ATP7A: variants seen among roughly 807,000 people sequenced by gnomAD.
ATP7A encodes the protein ATPase copper transporting alpha, also known as copper-transporting ATPase 1.
In ATP7A, 7 loss-of-function variants were observed where a neutral mutation model predicts 83.5. The ratio of observed to expected loss-of-function variants is 0.08; its 90% CI spans 0.05 to 0.16. The LOEUF (loss-of-function observed/expected upper bound fraction) is 0.16. Among genes scored for constraint, ATP7A ranks in the 10% least tolerant of loss-of-function variants. The pLI is 1.00. For synonymous variants in ATP7A, 354 were observed against 395.2 expected (o/e 0.90, Z 1.24); for missense variants, 940 against 1,120.8 (o/e 0.84, Z 2.30).
intron 1 of ATP7A, chrX:77,923,382 T>C (rs922605815): frequency 3.6e-5 from 4 of 111,008 alleles, no homozygotes; most frequent in Middle Eastern, 4.6e-3. Context: ...CTTTCCACTC[T>C]TTAGGAACCT....
At chrX:77,950,963 A>C (rs1603375250) in intron 1 of ATP7A, among the ~76,000 whole-genome samples, 1 of 111,102 alleles carries the variant, frequency 9.0e-6, no homozygotes, top group East Asian at 2.8e-4. Context: ...TGGAGGTTGC[A>C]GTGAGCCAAG....
chrX:77,974,214 G>T (rs1165573031), intron 2 of ATP7A, among the ~76,000 whole-genome samples: 1 of 109,281 alleles, frequency 9.2e-6, no homozygotes, highest in African/African-American at 3.3e-5. Flanking sequence ...CACAATGTTG[G>T]CTCACTGCAA....
chrX:78,018,747 C>T lies in ATP7A; in HGVS notation c.2627-1497C>T, dbSNP rs782732462. Among the ~76,000 whole-genome samples the T allele has an allele frequency of 1.5e-4, 17 of 112,057 alleles. No homozygotes were observed. In the South Asian group the frequency reaches 3.0e-3, roughly 20 times the overall value. On this transcript the variant is annotated intron_variant, in intron 12 of 22. Transcript: ENST00000341514. ...CACACTGCTCTAAAGACATACCCAACGCTGGGTAATTTATGAAGGAAGGAG... is the reference window on the plus strand; with the variant it reads ...CACACTGCTCTAAAGACATACCCAATGCTGGGTAATTTATGAAGGAAGGAG...
chrX:77,941,505 G>A (rs1297718160), intron 1 of ATP7A, among the ~76,000 whole-genome samples: 1 of 111,098 alleles, frequency 9.0e-6, no homozygotes, highest in Non-Finnish European at 1.9e-5. Flanking sequence ...AAAGTGCTGC[G>A]ATTACAGGCA....
intron 2 of ATP7A, among the ~76,000 whole-genome samples, chrX:77,973,577 A>G (rs1215288069): frequency 2.7e-5 from 3 of 112,426 alleles, no homozygotes; most frequent in Admixed American, 9.4e-5. Context: ...TTTATTAGGC[A>G]TTTGTATACC....
chrX:77,961,138 G>A (rs2077472290), intron 1 of ATP7A, among the ~76,000 whole-genome samples: 2 of 111,578 alleles, frequency 1.8e-5, no homozygotes, highest in South Asian at 7.5e-4. Flanking sequence ...AAAGAAATAT[G>A]TATTCAGAAT....
rs190917890 is a variant in ATP7A at position 77,957,246 on chromosome X, A to G, written c.-21-14375A>G. Among the ~76,000 whole-genome samples, 4 of 111,017 alleles carry G rather than the reference A, an allele frequency of 3.6e-5. No homozygotes were observed. The East Asian group carries it at 1.2e-3, about 32-fold the overall frequency. ...ATTTTTAAAAAAATTTATTATTATC[A>G]TACTTTAAGTTTTAGGGTACATGTG... is the stretch of plus-strand genomic sequence containing the variant. On this transcript the variant is annotated intron_variant, in intron 1 of 22. Coordinates refer to ENST00000341514, the MANE Select transcript of ATP7A (RefSeq NM_000052.7).
intron 16 of ATP7A, 137 bp from the exon 17 acceptor site, chrX:78,033,468 A>T: frequency 1.7e-6 from 1 of 589,391 alleles, no homozygotes. Context: ...TGTCCTTATC[A>T]AAATCCACTG....
chrX:78,042,752 T>C lies in ATP7A; in HGVS notation c.3969T>C (p.Asp1323=), dbSNP rs369114635. 5.0e-6 allele frequency: 6 copies of C among 1,211,616 alleles called. No homozygotes were observed. Among genetic ancestry groups the C allele is most frequent in the Non-Finnish European group, 6.7e-6 (6 of 895,589 alleles). The part of the protein sequence containing the change: ...NVGIAIGTGT[D]VAIEAADVVL... Reference sequence around the variant, plus strand: ...GAATTGCTATTGGCACAGGCACAGATGTAGCCATTGAAGCAGCTGATGTGG... The same window carrying C: ...GAATTGCTATTGGCACAGGCACAGACGTAGCCATTGAAGCAGCTGATGTGG... Residue 1323 remains aspartate, a synonymous_variant, in exon 20 of 23, where the codon GAT becomes GAC. Transcript: ENST00000341514.
intron 12 of ATP7A, among the ~76,000 whole-genome samples, chrX:78,019,594 C>T (rs1278958309): frequency 9.0e-6 from 1 of 111,029 alleles, no homozygotes; most frequent in Non-Finnish European, 1.9e-5. Context: ...CAGCCTCCCA[C>T]GTACCTGGGA....
At chrX:77,915,946 C>T (rs1428028587) in intron 1 of ATP7A, among the ~76,000 whole-genome samples, 1 of 112,005 alleles carries the variant, frequency 8.9e-6, no homozygotes, top group African/African-American at 3.2e-5. Context: ...GTCTCAAACT[C>T]CTGGCCTCAG....
intron 2 of ATP7A, among the ~76,000 whole-genome samples, chrX:77,976,608 C>G (rs2077577930): frequency 9.0e-6 from 1 of 111,697 alleles, no homozygotes; most frequent in Non-Finnish European, 1.9e-5. Context: ...TAATCTGAAA[C>G]TGTAGGTGAT....
At chrX:77,947,555 C>T (rs1376763085) in intron 1 of ATP7A, among the ~76,000 whole-genome samples, 11 of 108,856 alleles carry the variant, frequency 1.0e-4, no homozygotes, top group Non-Finnish European at 2.1e-4. Context: ...TCTCCTGCCT[C>T]AGCCTCCTGA....
At chrX:78,009,432 T>C in intron 7 of ATP7A, 169 bp downstream of exon 7, 1 of 602,751 alleles carries the variant, frequency 1.7e-6, no homozygotes, top group Non-Finnish European at 2.7e-6. Flanking sequence ...GCATTTTTTT[T>C]TTTGGTCTTT....
intron 1 of ATP7A, among the ~76,000 whole-genome samples, chrX:77,958,715 C>T (rs1299117614): frequency 1.8e-5 from 2 of 109,863 alleles, no homozygotes; most frequent in African/African-American, 6.6e-5. Context: ...TTAATTCTTC[C>T]AATCCATGAA....
At chrX:77,913,366 C>A (rs1198388908) in intron 1 of ATP7A, among the ~76,000 whole-genome samples, 1 of 110,740 alleles carries the variant, frequency 9.0e-6, no homozygotes, top group African/African-American at 3.3e-5. Context: ...TGTTTTTAGA[C>A]AACGATATTT....
At chrX:77,918,879 C>T (rs1557222830) in intron 1 of ATP7A, among the ~76,000 whole-genome samples, 2 of 111,341 alleles carry the variant, frequency 1.8e-5, no homozygotes, top group African/African-American at 6.5e-5. Flanking sequence ...ATCCAGCAGC[C>T]GTGATAGTCC....
intron 2 of ATP7A, chrX:77,974,941 A>T (rs1603379289): frequency 7.8e-6 from 2 of 256,624 alleles, no homozygotes; most frequent in East Asian, 1.1e-4. Context: ...GGTTAGTTAC[A>T]TATGTATACA....
chrX:77,922,505 A>C (rs1225442536), intron 1 of ATP7A, among the ~76,000 whole-genome samples: 1 of 111,324 alleles, frequency 9.0e-6, no homozygotes, highest in Non-Finnish European at 1.9e-5. Flanking sequence ...CCTGTCTCAA[A>C]AAAATGTGTG....
Sources: gnomAD v4.1 joint callset for allele counts (sites outside exome capture counted in the v4.1 genomes callset) on GRCh38, gnomAD v4.1.1 for gene constraint, MANE v1.5 for transcripts, NCBI Gene and HGNC (gene_info 2026-07-23, HGNC 2026-07-21) for gene names.